The following LAMC2 variants were observed in gnomAD, a reference collection of about 807,000 sequenced individuals.
LAMC2 encodes laminin subunit gamma-2.
A neutral mutation model predicts 140.2 loss-of-function variants in LAMC2; 97 were observed. The observed-to-expected ratio is 0.69, with a 90% CI of 0.59 to 0.82. The LOEUF (loss-of-function observed/expected upper bound fraction) is 0.82, where lower values mean the gene tolerates loss of function less well. LAMC2 is among the 40% of genes least tolerant of loss of function. The pLI, the probability that LAMC2 is intolerant of heterozygous loss-of-function variation, is 0.00. For synonymous variants in LAMC2, 513 were observed against 540.2 expected (o/e 0.95, Z 0.70); for missense variants, 1,402 against 1,476.1 (o/e 0.95, Z 0.82).
At chr1:183,210,798 CTG>C (rs1331777106) in intron 2 of LAMC2, among the ~76,000 whole-genome samples, 3 of 152,232 alleles carry the variant, frequency 2.0e-5, no homozygotes, top group African/African-American at 7.2e-5. Flanking sequence ...GATGAAGAAA[CTG>C]AACTTTCAGG....
intron 1 of LAMC2, among the ~76,000 whole-genome samples, chr1:183,204,227 G>A (rs1229966351): frequency 6.6e-6 from 1 of 152,046 alleles, no homozygotes; most frequent in Admixed American, 6.6e-5. Flanking sequence ...GGAGGTTGAG[G>A]CTGCAGTGAC....
chr1:183,243,085 G>A (rs1158552902), intron 22 of LAMC2, 62 bp from the exon 23 acceptor site: 5 of 1,591,872 alleles, frequency 3.1e-6, no homozygotes, highest in African/African-American at 1.3e-5. Context: ...AAGGGCACGG[G>A]TGTTCAAGGA....
intron 11 of LAMC2, among the ~76,000 whole-genome samples, chr1:183,230,587 G>A (rs1024375132): frequency 2.0e-5 from 3 of 152,194 alleles, no homozygotes; most frequent in African/African-American, 7.2e-5. Context: ...AGGCAAATTA[G>A]TCAACTTCCC....
chr1:183,232,383 A>G (rs1659826648), intron 13 of LAMC2, 40 bp downstream of exon 13: 1 of 1,608,036 alleles, frequency 6.2e-7, no homozygotes, highest in Admixed American at 1.7e-5. Context: ...AAGAGAATTC[A>G]TAGTCCTAGA....
At chr1:183,192,447 C>T (rs550116058) in intron 1 of LAMC2, among the ~76,000 whole-genome samples, 43 of 152,266 alleles carry the variant, frequency 2.8e-4, no homozygotes, top group African/African-American at 8.4e-4. Flanking sequence ...ATTACAGTAT[C>T]GTAGAACTAA....
downstream of LAMC2, among the ~76,000 whole-genome samples, chr1:183,246,010 A>G (rs1325830170): frequency 6.6e-6 from 1 of 152,166 alleles, no homozygotes; most frequent in Non-Finnish European, 1.5e-5. Flanking sequence ...TCTACTAAAA[A>G]TACAAAAAAA....
chr1:183,208,723 A>G (rs1206576061), intron 2 of LAMC2, among the ~76,000 whole-genome samples: 1 of 152,176 alleles, frequency 6.6e-6, no homozygotes, highest in Non-Finnish European at 1.5e-5. Flanking sequence ...ACTGTTGTCC[A>G]GACTGGAGTG....
intron 19 of LAMC2, 117 bp downstream of exon 19, chr1:183,238,538 C>T: frequency 2.9e-6 from 2 of 698,680 alleles, no homozygotes; most frequent in East Asian, 2.6e-5. Context: ...TTAATAGATC[C>T]TTAGTAAATA....
rs111576018 is a variant in LAMC2, at chr1:183,235,440, TG to T, written c.2301-134del. The T allele has an allele frequency of 1.1e-4, 103 of 938,044 alleles. 1 individual carries two copies. In the African/African-American group the frequency reaches 1.4e-3, roughly 12 times the overall value. The allele number at this position is 938,044 out of a possible 1,614,324, so 58.1% of individuals were successfully genotyped here. A position where few individuals can be genotyped will look rare whatever the true frequency, so the allele number is the denominator to read the frequency against. The stretch of plus-strand genomic sequence containing the variant: ...CTTCTTGACAGCACCTCTAATTCCA[TG>T]TAATTTGAGTCAGTTCTGTAGGGTT... On this transcript the variant is annotated intron_variant, in intron 15 of 22. Transcript: ENST00000264144.
At chr1:183,204,107 C>T (rs1328033288) in intron 1 of LAMC2, among the ~76,000 whole-genome samples, 2 of 151,606 alleles carry the variant, frequency 1.3e-5, no homozygotes, top group African/African-American at 4.8e-5. Context: ...CTGGGCAATA[C>T]CACGAGAACC....
intron 2 of LAMC2, among the ~76,000 whole-genome samples, chr1:183,209,777 G>A (rs1659016473): frequency 6.6e-6 from 1 of 152,172 alleles, no homozygotes; most frequent in Non-Finnish European, 1.5e-5. Context: ...TCTCAGGGTA[G>A]ACCAGGAACC....
At chr1:183,223,064 G>T in intron 6 of LAMC2, 71 bp from the exon 7 acceptor site, 1 of 1,457,286 alleles carries the variant, frequency 6.9e-7, no homozygotes, top group Non-Finnish European at 9.6e-7. Context: ...GCCGACACCA[G>T]TGCAAACTTG....
chr1:183,227,765 C>A, intron 10 of LAMC2, 68 bp downstream of exon 10: 1 of 1,427,058 alleles, frequency 7.0e-7, no homozygotes, highest in Non-Finnish European at 9.8e-7. Context: ...GTGCAAATAG[C>A]TTCCATTCCG....
intron 1 of LAMC2, among the ~76,000 whole-genome samples, chr1:183,207,391 G>C (rs1571511160): frequency 6.6e-6 from 1 of 151,328 alleles, no homozygotes; most frequent in Non-Finnish European, 1.5e-5. Flanking sequence ...CCACTCCTTT[G>C]CCTTGACGGG....
chr1:183,238,867 C>T (rs1029591301), intron 19 of LAMC2, among the ~76,000 whole-genome samples: 5 of 152,186 alleles, frequency 3.3e-5, no homozygotes, highest in Non-Finnish European at 7.3e-5. Flanking sequence ...ACAGAGCAAC[C>T]TTTGTCACTG....
At chr1:183,255,152 G>C in the LAMC2 span, among the ~76,000 whole-genome samples, 1 of 152,156 alleles carries the variant, frequency 6.6e-6, no homozygotes. Context: ...AGTTTTTCCA[G>C]CACCATCTAT....
chr1:183,257,300 G>A, the LAMC2 span, among the ~76,000 whole-genome samples: 1 of 152,000 alleles, frequency 6.6e-6, no homozygotes, highest in Non-Finnish European at 1.5e-5. Context: ...AATTAGCTGG[G>A]TGTGGTGGCA....
At chr1:183,235,303 C>T (rs1159755919) in intron 15 of LAMC2, among the ~76,000 whole-genome samples, 1 of 147,998 alleles carries the variant, frequency 6.8e-6, no homozygotes, top group Non-Finnish European at 1.5e-5. Context: ...TGAGACTGCT[C>T]CCACCCATCT....
chr1:183,239,586 G>GT, intron 20 of LAMC2, 23 bp downstream of exon 20: 2 of 1,591,146 alleles, frequency 1.3e-6, no homozygotes, highest in Non-Finnish European at 1.7e-6. Context: ...CGACATGTGT[G>GT]TTGGTGCCAG....
Sources: allele counts gnomAD v4.1 joint callset (sites outside exome capture counted in the v4.1 genomes callset), GRCh38; gene constraint gnomAD v4.1.1; transcripts MANE v1.5; gene names NCBI Gene and HGNC (gene_info 2026-07-23, HGNC 2026-07-21).